CTNNA3: variants seen among roughly 807,000 people sequenced by gnomAD.
CTNNA3 encodes the protein catenin alpha 3, also known as catenin alpha-3.
CTNNA3 carries 76 observed loss-of-function variants against 95.7 expected under a neutral mutation model. The ratio of observed to expected loss-of-function variants is 0.79; its 90% CI spans 0.66 to 0.96. The LOEUF (loss-of-function observed/expected upper bound fraction) is 0.96. Ranked by LOEUF, CTNNA3 falls within the 40% of genes least tolerant of loss-of-function variation. The pLI, the probability that CTNNA3 is intolerant of heterozygous loss-of-function variation, is 0.00. For missense variants in CTNNA3, 1,191 were observed against 1,089.8 expected (o/e 1.09, Z -1.31); for synonymous variants, 431 against 374.4 (o/e 1.15, Z -1.74).
At chr10:67,720,007 G>A (rs1023923292) in intron 1 of CTNNA3, among the ~76,000 whole-genome samples, 41 of 151,544 alleles carry the variant, frequency 2.7e-4, no homozygotes, top group African/African-American at 8.2e-4. Context: ...ATATACATTC[G>A]GAATAGTTAG....
At chr10:67,534,694 G>A (rs1193757936) in intron 4 of CTNNA3, among the ~76,000 whole-genome samples, 1 of 152,126 alleles carries the variant, frequency 6.6e-6, no homozygotes, top group East Asian at 1.9e-4. Context: ...ATTCGTGCAA[G>A]GGGAAAAGGC....
chr10:66,357,346 A>G (rs1589133889), intron 12 of CTNNA3, among the ~76,000 whole-genome samples: 1 of 152,176 alleles, frequency 6.6e-6, no homozygotes, highest in Non-Finnish European at 1.5e-5. Flanking sequence ...TTAAGATATA[A>G]TTTACATACC....
chr10:65,996,989 T>G (rs1452896873), intron 15 of CTNNA3, among the ~76,000 whole-genome samples: 1 of 151,778 alleles, frequency 6.6e-6, no homozygotes, highest in Non-Finnish European at 1.5e-5. Context: ...TCTTTATTTT[T>G]TAAATCTGTT....
chr10:67,348,256 C>T (rs1313476043), intron 5 of CTNNA3, among the ~76,000 whole-genome samples: 1 of 152,018 alleles, frequency 6.6e-6, no homozygotes, highest in African/African-American at 2.4e-5. Flanking sequence ...TCATGAATAT[C>T]TCATCAAAAA....
chr10:67,283,597 C>T (rs1262619779), intron 5 of CTNNA3, among the ~76,000 whole-genome samples: 3 of 152,142 alleles, frequency 2.0e-5, no homozygotes, highest in Non-Finnish European at 4.4e-5. Context: ...CAGAAGCATG[C>T]TAATGAAATG....
intron 7 of CTNNA3, among the ~76,000 whole-genome samples, chr10:66,828,751 T>C (rs1351128001): frequency 6.6e-6 from 1 of 152,218 alleles, no homozygotes; most frequent in Non-Finnish European, 1.5e-5. Context: ...TCCAGACAAA[T>C]TATTAGGGAC....
chr10:66,893,559 A>G (rs907883076), intron 7 of CTNNA3, among the ~76,000 whole-genome samples: 1 of 151,888 alleles, frequency 6.6e-6, no homozygotes, highest in African/African-American at 2.4e-5. Context: ...AAAAAAACCC[A>G]TTTAATTACA....
intron 3 of CTNNA3, among the ~76,000 whole-genome samples, chr10:67,581,563 G>C (rs570186842): frequency 3.3e-5 from 5 of 152,300 alleles, no homozygotes; most frequent in Admixed American, 6.5e-5. Flanking sequence ...TCAGGATGAT[G>C]CTGGCCTCAT....
At chr10:67,587,714 G>A (rs1842679534) in intron 3 of CTNNA3, among the ~76,000 whole-genome samples, 1 of 152,026 alleles carries the variant, frequency 6.6e-6, no homozygotes, top group Non-Finnish European at 1.5e-5. Context: ...TTTATTTGGG[G>A]ATCACTGAGC....
chr10:67,469,928 C>T (rs1015350640), intron 5 of CTNNA3, among the ~76,000 whole-genome samples: 1 of 152,048 alleles, frequency 6.6e-6, no homozygotes, highest in Admixed American at 6.6e-5. Context: ...AGTATATATC[C>T]TTTATGTTAC....
rs192134550 is a variant in CTNNA3 at position 66,271,067 on chromosome 10, A to G, written c.1884+9403T>C. ...CCTATGGTAAGAGAAAATGTTCTTC[A>G]GGCATTCAGGTGCCTGAAGACCCTG... On this transcript the variant is annotated intron_variant, in intron 13 of 17. Coordinates refer to ENST00000433211, the MANE Select transcript of CTNNA3 (RefSeq NM_013266.4). 1.4e-3 allele frequency among the ~76,000 whole-genome samples: 212 copies of G among 152,260 alleles called. 1 individual carries two copies. The highest frequency in any genetic ancestry group is 5.0e-3 in the African/African-American group (208 of 41,564).
chr10:66,795,368 G>T (rs985511827), intron 7 of CTNNA3, among the ~76,000 whole-genome samples: 2 of 152,192 alleles, frequency 1.3e-5, no homozygotes, highest in African/African-American at 4.8e-5. Flanking sequence ...AGAGTTCTTG[G>T]GTGACTAGAT....
intron 11 of CTNNA3, among the ~76,000 whole-genome samples, chr10:66,495,368 T>G (rs1040259000): frequency 3.3e-5 from 5 of 152,092 alleles, no homozygotes; most frequent in African/African-American, 1.2e-4. Context: ...ATTTTAAAGA[T>G]CACATATAGC....
rs189322135 is a variant in CTNNA3 at position 66,751,055 on chromosome 10, G to A, written c.1281+15209C>T. 5.9e-5 allele frequency among the ~76,000 whole-genome samples: 9 copies of A among 152,200 alleles called. No homozygotes were observed. In the South Asian group the frequency reaches 1.0e-3, roughly 18 times the overall value. On this transcript the variant is annotated intron_variant, in intron 9 of 17. Coordinates refer to ENST00000433211, the MANE Select transcript of CTNNA3 (RefSeq NM_013266.4). The stretch of plus-strand genomic sequence containing the variant: ...GAGGCCAAGGCGGGCGGATCACAAG[G>A]TCAGGAGTTCAAGACCAGCCTGGCC...
At chr10:67,312,046 C>T (rs928237234) in intron 5 of CTNNA3, among the ~76,000 whole-genome samples, 4 of 150,296 alleles carry the variant, frequency 2.7e-5, no homozygotes, top group African/African-American at 7.3e-5. Context: ...GTCTGCAAGG[C>T]TTGTGAAAAA....
chr10:66,127,947 CTG>C (rs2082901724), intron 13 of CTNNA3, among the ~76,000 whole-genome samples: 1 of 152,100 alleles, frequency 6.6e-6, no homozygotes, highest in Non-Finnish European at 1.5e-5. Context: ...TGGCAGACGC[CTG>C]TAATCCCAGC....
intron 1 of CTNNA3, among the ~76,000 whole-genome samples, chr10:67,711,288 T>G (rs1841106309): frequency 6.6e-6 from 1 of 152,108 alleles, no homozygotes; most frequent in Admixed American, 6.6e-5. Flanking sequence ...AACTGGGTAA[T>G]AGGCAGAGGT....
chr10:67,460,721 C>G (rs1182280980), intron 5 of CTNNA3, among the ~76,000 whole-genome samples: 1 of 151,800 alleles, frequency 6.6e-6, no homozygotes, highest in African/African-American at 2.4e-5. Context: ...AAAAAAAAGA[C>G]TTTAAAAAGG....
At chr10:67,159,197 C>T (rs1861433560) in intron 7 of CTNNA3, among the ~76,000 whole-genome samples, 1 of 152,222 alleles carries the variant, frequency 6.6e-6, no homozygotes, top group Non-Finnish European at 1.5e-5. Context: ...CTGTCGTGTA[C>T]CCCTTGCTTG....
Sources: gnomAD v4.1 joint callset for allele counts (sites outside exome capture counted in the v4.1 genomes callset) on GRCh38, gnomAD v4.1.1 for gene constraint, MANE v1.5 for transcripts, NCBI Gene and HGNC (gene_info 2026-07-23, HGNC 2026-07-21) for gene names.